TEAD1: variants seen among roughly 807,000 people sequenced by gnomAD.
The protein encoded by TEAD1 is TEA domain transcription factor 1, also known as transcriptional enhancer factor TEF-1.
TEAD1 carries 9 observed loss-of-function variants against 54.9 expected under a neutral mutation model. The ratio of observed to expected loss-of-function variants is 0.16; its 90% CI spans 0.10 to 0.29. TEAD1 has a LOEUF of 0.29. Among genes scored for constraint, TEAD1 ranks in the 10% least tolerant of loss-of-function variants. The probability of loss-of-function intolerance (pLI) is 1.00; values close to 1 mark genes in which losing one functional copy is unlikely to be tolerated. For missense variants in TEAD1, 387 were observed against 535.9 expected, an observed-to-expected ratio of 0.72 and a Z score of 2.74; for synonymous variants, 200 against 187.8, an observed-to-expected ratio of 1.07 and a Z score of -0.53.
chr11:12,865,050 C>T (rs1331725989), intron 5 of TEAD1, 150 bp downstream of exon 5: 3 of 891,954 alleles, frequency 3.4e-6, no homozygotes, highest in East Asian at 5.1e-5. Context: ...TTTAATCTCT[C>T]TGTTTCTGTA....
At chr11:12,918,030 T>C (rs1056737745) in intron 10 of TEAD1, among the ~76,000 whole-genome samples, 4 of 152,216 alleles carry the variant, frequency 2.6e-5, no homozygotes, top group Non-Finnish European at 5.9e-5. Context: ...AAAAGCTGAT[T>C]AGGCAGAAAT....
intron 10 of TEAD1, among the ~76,000 whole-genome samples, chr11:12,917,577 C>G (rs1948738089): frequency 6.6e-6 from 1 of 152,174 alleles, no homozygotes; most frequent in Admixed American, 6.5e-5. Context: ...AGGCTGGTCT[C>G]AAACTCCTGG....
At chr11:12,708,060 G>A (rs1027822479) in intron 2 of TEAD1, among the ~76,000 whole-genome samples, 5 of 151,584 alleles carry the variant, frequency 3.3e-5, no homozygotes, top group African/African-American at 4.9e-5. Flanking sequence ...TGCTTTGGCA[G>A]TTCCCAAAGT....
intron 3 of TEAD1, among the ~76,000 whole-genome samples, chr11:12,810,063 C>G (rs531179392): frequency 6.9e-6 from 1 of 145,582 alleles, no homozygotes; most frequent in African/African-American, 2.6e-5. Context: ...TCACTGCAAG[C>G]TCCACCTCCT....
At chr11:12,685,789 T>TG (rs1429725650) in intron 2 of TEAD1, among the ~76,000 whole-genome samples, 1 of 152,080 alleles carries the variant, frequency 6.6e-6, no homozygotes, top group African/African-American at 2.4e-5. Context: ...AAGGATAAAG[T>TG]GGGAGATCAT....
At chr11:12,795,818 T>G (rs1945906016) in intron 3 of TEAD1, among the ~76,000 whole-genome samples, 1 of 152,224 alleles carries the variant, frequency 6.6e-6, no homozygotes, top group African/African-American at 2.4e-5. Context: ...CAGTCCTGAT[T>G]GCATATTAGA....
chr11:12,789,813 C>T (rs1470840333), intron 3 of TEAD1, among the ~76,000 whole-genome samples: 3 of 152,226 alleles, frequency 2.0e-5, no homozygotes, highest in African/African-American at 4.8e-5. Flanking sequence ...GGCATTGCTC[C>T]GAGTTGGGCC....
intron 2 of TEAD1, among the ~76,000 whole-genome samples, chr11:12,736,025 C>G (rs933136796): frequency 5.3e-5 from 8 of 152,206 alleles, no homozygotes; most frequent in Non-Finnish European, 1.2e-4. Context: ...AGCTAGACAT[C>G]TAGAGAAGTA....
At chr11:12,726,961 T>C (rs1298622883) in intron 2 of TEAD1, among the ~76,000 whole-genome samples, 1 of 152,180 alleles carries the variant, frequency 6.6e-6, no homozygotes, top group African/African-American at 2.4e-5. Context: ...ATGAGTCAGC[T>C]GGGTGTGGTG....
intron 12 of TEAD1, among the ~76,000 whole-genome samples, chr11:12,933,755 G>A (rs1173377001): frequency 1.3e-5 from 2 of 152,136 alleles, no homozygotes; most frequent in African/African-American, 4.8e-5. Context: ...TTCAGACTAT[G>A]AGGTCATTTT....
chr11:12,737,910 T>C (rs1175249106), intron 2 of TEAD1, among the ~76,000 whole-genome samples: 2 of 152,178 alleles, frequency 1.3e-5, no homozygotes, highest in African/African-American at 2.4e-5. Context: ...CACAGTTCCA[T>C]GTGGTTGGGG....
chr11:12,865,606 G>C (rs1947600695), intron 5 of TEAD1: 1 of 151,824 alleles, frequency 6.6e-6, no homozygotes, highest in South Asian at 2.1e-4. Flanking sequence ...ACTTGAGTTT[G>C]CTTAAATTTT....
rs1949161255 is a variant in TEAD1, at chr11:12,941,426, G to A, written c.*4204G>A. On this transcript the variant is annotated 3_prime_UTR_variant, in exon 13 of 13. Coordinates refer to ENST00000527636, the MANE Select transcript of TEAD1 (RefSeq NM_021961.6). ...TACTTGGTGTCAAAAGTCCCCGAAC[G>A]ACTTTTAAACCCAAGTCTTCTTAAG... 1.3e-5 allele frequency: 2 copies of A among 152,286 alleles called. No individual in the cohort carries two copies. Among genetic ancestry groups the A allele is most frequent in the Admixed American group, 1.3e-4 (2 of 15,286 alleles). 9.4% of individuals were successfully genotyped at this position (152,286 alleles called of 1,614,324 possible). A position where few individuals can be genotyped will look rare whatever the true frequency, so the allele number is the denominator to read the frequency against.
intron 10 of TEAD1, among the ~76,000 whole-genome samples, chr11:12,911,856 G>A (rs1041080705): frequency 6.6e-6 from 1 of 152,032 alleles, no homozygotes; most frequent in African/African-American, 2.4e-5. Flanking sequence ...CCTGGTTCCC[G>A]AACCCTGGAT....
intron 5 of TEAD1, among the ~76,000 whole-genome samples, chr11:12,877,028 C>T (rs1344555879): frequency 6.6e-6 from 1 of 152,134 alleles, no homozygotes. Context: ...CTGGCATCCT[C>T]AGTATCTGAC....
In TEAD1 at chr11:12,943,902, GAAA is replaced by G. The variant is rs911570722; in HGVS notation, c.*6687_*6689del. ...CAATAGGCTCATGACTGCAGACAAG[GAAA>G]AAAAAAGTAAAAACAAAAACAGTAT... On this transcript the variant is annotated 3_prime_UTR_variant, in exon 13 of 13. Coordinates refer to ENST00000527636, the MANE Select transcript of TEAD1 (RefSeq NM_021961.6). 5.6e-5 allele frequency: 8 copies of G among 143,692 alleles called. No homozygotes were observed. The highest frequency in any genetic ancestry group is 9.2e-5 in the Non-Finnish European group (6 of 65,428). The allele number at this position is 143,692 out of a possible 1,614,324, so 8.9% of individuals were successfully genotyped here.
intron 3 of TEAD1, among the ~76,000 whole-genome samples, chr11:12,844,782 G>A (rs908061729): frequency 1.3e-4 from 19 of 151,982 alleles, no homozygotes; most frequent in African/African-American, 4.1e-4. Flanking sequence ...CTTACCCAAC[G>A]ATTGATATGT....
intron 3 of TEAD1, among the ~76,000 whole-genome samples, chr11:12,782,186 A>C (rs919055760): frequency 6.6e-5 from 10 of 152,104 alleles, no homozygotes; most frequent in Admixed American, 3.3e-4. Flanking sequence ...TCTAATAATC[A>C]GAAAGTGGAA....
rs1282165646 is a variant in TEAD1, at chr11:12,902,084, C to G, written c.844C>G (p.Gln282Glu). The change falls in exon 10 of 13, where the codon CAA (glutamine) becomes GAA (glutamate). Residue 282 changes from glutamine to glutamate, a missense_variant. Around this residue, in one of 5 missense-constraint regions of TEAD1, gnomAD observed 123 missense variants for 199.0 expected, o/e 0.62. Coordinates refer to ENST00000527636, the MANE Select transcript of TEAD1 (RefSeq NM_021961.6). ...AAAGGAACTGTTTGGAAAGGGCCCT[C>G]AAAATGCCTTCTTCCTCGTAAAATT... 1 of 1,614,238 alleles carries G rather than the reference C, an allele frequency of 6.2e-7. No individual in the cohort carries two copies. The highest frequency in any genetic ancestry group is 2.2e-5 in the East Asian group (1 of 44,886).
Sources: gnomAD v4.1 joint callset for allele counts (sites outside exome capture counted in the v4.1 genomes callset) on GRCh38, gnomAD v4.1.1 for gene constraint, gnomAD v4.1.1 regional missense constraint, MANE v1.5 for transcripts, NCBI Gene and HGNC (gene_info 2026-07-23, HGNC 2026-07-21) for gene names.